Variants in KY observed in about 807,000 individuals in gnomAD.
KY encodes the protein kyphoscoliosis peptidase.
Under a neutral mutation model 76.1 loss-of-function variants are expected in KY, and 43 were observed. The ratio of observed to expected loss-of-function variants is 0.57; its 90% CI spans 0.44 to 0.73. The LOEUF (loss-of-function observed/expected upper bound fraction) is 0.73. KY is among the 30% of genes least tolerant of loss of function. The pLI is 0.00. For missense variants in KY, 722 were observed against 828.9 expected (o/e 0.87, Z 1.58); for synonymous variants, 277 against 326.2 (o/e 0.85, Z 1.63).
chr3:134,636,081 C>T (rs1312678660), intron 3 of KY, among the ~76,000 whole-genome samples: 1 of 152,258 alleles, frequency 6.6e-6, no homozygotes, highest in Non-Finnish European at 1.5e-5. Context: ...ATGTGATGAA[C>T]ACTCAGATAC....
At chr3:134,626,342 C>T (rs1222232770) in intron 5 of KY, among the ~76,000 whole-genome samples, 1 of 152,230 alleles carries the variant, frequency 6.6e-6, no homozygotes, top group Non-Finnish European at 1.5e-5. Flanking sequence ...GCACTTCTAC[C>T]TTGGTTCCAG....
At chr3:134,629,435 G>T in intron 4 of KY, 186 bp downstream of exon 4, 3 of 560,290 alleles carry the variant, frequency 5.4e-6, no homozygotes, top group Non-Finnish European at 9.7e-6. Flanking sequence ...CAAAATCAGC[G>T]GTAGCTGGGT....
chr3:134,625,020 G>A, intron 6 of KY, 33 bp downstream of exon 6: 1 of 1,557,842 alleles, frequency 6.4e-7, no homozygotes, highest in Non-Finnish European at 8.7e-7. Context: ...CCACCTTGAA[G>A]GGGCCCATGG....
chr3:134,619,184 C>G lies in KY; in HGVS notation c.674G>C (p.Cys225Ser). The stretch of plus-strand genomic sequence containing the variant: ...CTCGAAGAGGCCAGCATAGCCATCA[C>G]AGTTGGTCTTCTGGGTCCGCAGGAT... ...TDILRTQKTN[C>S]DGYAGLFERM... The change falls in exon 8 of 11, where the codon TGT (cysteine) becomes TCT (serine). Residue 225 changes from cysteine (C) to serine (S), a missense_variant. By Grantham distance (112) the Cys-to-Ser change is moderately radical. This residue lies in a region of KY where 552 missense variants were observed against 680.9 expected (regional missense o/e 0.81). Coordinates refer to ENST00000423778, the MANE Select transcript of KY (RefSeq NM_178554.6). 1 of 1,613,958 alleles carries G rather than the reference C, an allele frequency of 6.2e-7. No homozygotes were observed. Among genetic ancestry groups the G allele is most frequent in the Non-Finnish European group, 8.5e-7 (1 of 1,179,880 alleles).
intron 8 of KY, among the ~76,000 whole-genome samples, chr3:134,611,822 T>C (rs1241915326): frequency 6.6e-6 from 1 of 152,184 alleles, no homozygotes; most frequent in Non-Finnish European, 1.5e-5. Flanking sequence ...CCACGGAGCC[T>C]CCCAGGGGAA....
In KY at chr3:134,610,357, A is replaced by G; in HGVS notation, c.737T>C (p.Val246Ala). ...CRLAGVQCMT[V>A]PGYSKGFGYQ... is the part of the protein sequence containing the mutation. ...GCCGAAACCCTTGGAGTAGCCAGGCACGGTCATACACTGCACTCCGGCGAG... is the reference window on the plus strand; with the variant it reads ...GCCGAAACCCTTGGAGTAGCCAGGCGCGGTCATACACTGCACTCCGGCGAG... The change falls in exon 9 of 11, where the codon GTG becomes GCG. Residue 246 changes from valine (V) to alanine (A), a missense_variant. Around this residue, in one of 2 missense-constraint regions of KY, gnomAD observed 552 missense variants for 680.9 expected, o/e 0.81. Coordinates refer to ENST00000423778, the MANE Select transcript of KY (RefSeq NM_178554.6). 23 of 1,612,922 alleles carry G rather than the reference A, an allele frequency of 1.4e-5. No individual in the cohort carries two copies. Among genetic ancestry groups the G allele is most frequent in the Non-Finnish European group, 1.9e-5 (23 of 1,179,590 alleles).
intron 6 of KY, among the ~76,000 whole-genome samples, chr3:134,623,655 C>T (rs926904341): frequency 1.3e-5 from 2 of 151,998 alleles, no homozygotes; most frequent in Non-Finnish European, 2.9e-5. Context: ...CCACTACTCA[C>T]CTCCTGCTTG....
intron 3 of KY, among the ~76,000 whole-genome samples, chr3:134,630,586 C>G (rs1181465105): frequency 6.6e-6 from 1 of 152,130 alleles, no homozygotes; most frequent in Admixed American, 6.5e-5. Context: ...GTGGTCACCT[C>G]TGAACTGTGC....
intron 8 of KY, among the ~76,000 whole-genome samples, chr3:134,617,032 T>C (rs538695936): frequency 3.9e-5 from 6 of 152,298 alleles, no homozygotes; most frequent in African/African-American, 1.4e-4. Context: ...GCCAGGTCTT[T>C]CTGGCTTTAA....
Position 134,600,263 on chromosome 3 carries a change from A to C in KY, c.*3316T>G, listed in dbSNP as rs1163113227. On this transcript the variant is annotated 3_prime_UTR_variant, in exon 11 of 11. Coordinates refer to ENST00000423778, the MANE Select transcript of KY (RefSeq NM_178554.6). Reference sequence around the variant, plus strand: ...CTCCTTCTAGTGAACATGGCATCTAAAACCTCAGACCACTGGGAAAACTTT... The same window carrying C: ...CTCCTTCTAGTGAACATGGCATCTACAACCTCAGACCACTGGGAAAACTTT... 6.6e-6 allele frequency among the ~76,000 whole-genome samples: 1 copy of C among 152,192 alleles called. No individual in the cohort carries two copies. The highest frequency in any genetic ancestry group is 1.5e-5 in the Non-Finnish European group (1 of 68,026).
intron 3 of KY, among the ~76,000 whole-genome samples, chr3:134,640,312 G>A (rs1428684140): frequency 6.6e-5 from 10 of 152,182 alleles, no homozygotes; most frequent in Non-Finnish European, 1.0e-4. Flanking sequence ...TAAGCCCACC[G>A]CTTTCGAGAG....
In KY at chr3:134,608,654, C is replaced by T; in HGVS notation, c.1085G>A (p.Arg362Lys). 2 of 1,614,022 alleles carry T rather than the reference C, an allele frequency of 1.2e-6. No individual in the cohort carries two copies. The highest frequency in any genetic ancestry group is 2.2e-5 in the South Asian group (2 of 91,084). The change falls in exon 10 of 11, where the codon AGA becomes AAA. Residue 362 changes from arginine (R) to lysine (K), a missense_variant. By Grantham distance (26) the Arg-to-Lys change is conservative. This residue lies in a region of KY where 552 missense variants were observed against 680.9 expected (regional missense o/e 0.81). Coordinates refer to ENST00000423778, the MANE Select transcript of KY (RefSeq NM_178554.6). ...GGCACCTGCTCCGGGCTCACCTGTT[C>T]TGATCATGGAAGTCTCTGGGTGGGC... ...LSAHPETSMI[R>K]TVNGKATVTI...
intron 3 of KY, among the ~76,000 whole-genome samples, chr3:134,637,652 CT>C (rs1965150688): frequency 6.6e-6 from 1 of 152,238 alleles, no homozygotes; most frequent in Non-Finnish European, 1.5e-5. Context: ...TGCCCAGGTA[CT>C]TTCACACGCA....
Position 134,603,178 on chromosome 3 carries a change from G to C in KY, c.*401C>G, listed in dbSNP as rs924383511. 6.2e-6 allele frequency: 1 copy of C among 161,344 alleles called. No individual in the cohort carries two copies. Among genetic ancestry groups the C allele is most frequent in the African/African-American group, 2.4e-5 (1 of 41,750 alleles). The allele number at this position is 161,344 out of a possible 1,614,324, so 10.0% of individuals were successfully genotyped here. On this transcript the variant is annotated 3_prime_UTR_variant, in exon 11 of 11. Transcript: ENST00000423778. ...AGCCTTGCAAATCATGTCCCCTTGG[G>C]CATGGAAGAGAATTCTCTAAGCATC...
chr3:134,634,506 A>G (rs1964661695), intron 3 of KY, among the ~76,000 whole-genome samples: 1 of 152,244 alleles, frequency 6.6e-6, no homozygotes, highest in Admixed American at 6.5e-5. Context: ...GGGCAAAAGA[A>G]TAGATATTTT....
intron 3 of KY, among the ~76,000 whole-genome samples, chr3:134,633,509 T>G (rs1437634232): frequency 1.3e-5 from 2 of 152,120 alleles, no homozygotes; most frequent in Non-Finnish European, 2.9e-5. Flanking sequence ...ACTACTAGGA[T>G]CACACCTATT....
intron 10 of KY, chr3:134,607,293 T>G: frequency 1.0e-6 from 1 of 985,502 alleles, no homozygotes; most frequent in Non-Finnish European, 1.2e-6. Flanking sequence ...GCTCAGCAAC[T>G]TGGCAAAGGA....
intron 4 of KY, 178 bp downstream of exon 4, chr3:134,629,443 G>A (rs1236877019): frequency 3.5e-6 from 2 of 569,742 alleles, no homozygotes; most frequent in Non-Finnish European, 6.3e-6. Flanking sequence ...GCGGTAGCTG[G>A]GTGTAGAGAA....
chr3:134,630,625 C>T (rs1049048251), intron 3 of KY, among the ~76,000 whole-genome samples: 15 of 152,226 alleles, frequency 9.9e-5, no homozygotes, highest in Non-Finnish European at 2.2e-4. Flanking sequence ...AAACATCATA[C>T]CACAGTCTTC....
Sources: gnomAD v4.1 joint callset for allele counts (sites outside exome capture counted in the v4.1 genomes callset) on GRCh38, gnomAD v4.1.1 for gene constraint, gnomAD v4.1.1 regional missense constraint, MANE v1.5 for transcripts, NCBI Gene and HGNC (gene_info 2026-07-23, HGNC 2026-07-21) for gene names.